CCDC88A: variants seen among roughly 807,000 people sequenced by gnomAD.
The protein encoded by CCDC88A is girdin.
Under a neutral mutation model 234.3 loss-of-function variants are expected in CCDC88A, and 54 were observed. The ratio of observed to expected loss-of-function variants is 0.23; its 90% CI spans 0.19 to 0.29. The LOEUF (loss-of-function observed/expected upper bound fraction) is 0.29, where lower values mean the gene tolerates loss of function less well. Among genes scored for constraint, CCDC88A ranks in the 10% least tolerant of loss-of-function variants. The pLI is 1.00. For missense variants in CCDC88A, 1,832 were observed against 2,123.4 expected (o/e 0.86, Z 2.70); for synonymous variants, 753 against 737.8 (o/e 1.02, Z -0.33).
intron 2 of CCDC88A, chr2:55,418,003 G>A (rs1681759489): frequency 6.6e-6 from 1 of 151,994 alleles, no homozygotes; most frequent in Non-Finnish European, 1.5e-5. Context: ...TAGAATACAC[G>A]TATGCTACAA....
intron 3 of CCDC88A, among the ~76,000 whole-genome samples, chr2:55,376,627 G>A (rs556843494): frequency 6.6e-6 from 1 of 152,088 alleles, no homozygotes; most frequent in Non-Finnish European, 1.5e-5. Flanking sequence ...AAATATGCCT[G>A]CATTTAAAGA....
rs534476529 is a variant in CCDC88A, at chr2:55,364,964, G to C, written c.403-931C>G. Among the ~76,000 whole-genome samples the C allele has an allele frequency of 1.3e-5, 2 of 152,172 alleles. 1 individual carries two copies. Among genetic ancestry groups the C allele is most frequent in the South Asian group, 4.1e-4 (2 of 4,826 alleles). ...CTGAACTACTAGTGAGGACAATATA[G>C]TCACAAAATTACAAACTAGCTCTTT... On this transcript the variant is annotated intron_variant, in intron 5 of 32. Transcript: ENST00000436346.
chr2:55,316,333 T>C (rs931708107), intron 21 of CCDC88A, among the ~76,000 whole-genome samples: 7 of 152,144 alleles, frequency 4.6e-5, no homozygotes, highest in African/African-American at 1.7e-4. Flanking sequence ...TAATTTCCTT[T>C]TTTCATCCAC....
chr2:55,348,408 G>T (rs906753027), intron 9 of CCDC88A: 1 of 152,146 alleles, frequency 6.6e-6, no homozygotes, highest in African/African-American at 2.4e-5. Context: ...TGAGTAGCTG[G>T]GATTACAGGT....
intron 31 of CCDC88A, chr2:55,294,591 A>G: frequency 4.1e-6 from 4 of 986,554 alleles, no homozygotes; most frequent in Non-Finnish European, 4.8e-6. Context: ...CATATGTAAT[A>G]TAAAGTACAC....
rs1679953896 is a variant in CCDC88A at position 55,295,724 on chromosome 2, C to G, written c.5424G>C (p.Val1808=). The G allele has an allele frequency of 6.2e-7, 1 of 1,614,204 alleles. No homozygotes were observed. Among genetic ancestry groups the G allele is most frequent in the Admixed American group, 1.7e-5 (1 of 60,022 alleles). Residue 1808 remains valine (V), a synonymous_variant, in exon 31 of 33, where the codon GTG becomes GTC. Coordinates refer to ENST00000436346, the MANE Select transcript of CCDC88A (RefSeq NM_001365480.1). Reference sequence around the variant, plus strand: ...GTGTAGTTCCTTCGGCAGTTGAGATCACGCTGCTTGCACGAGGTAAAGTTG... The same window carrying G: ...GTGTAGTTCCTTCGGCAGTTGAGATGACGCTGCTTGCACGAGGTAAAGTTG... ...PYATLPRASS[V]ISTAEGTTRR... is the part of the protein sequence containing the mutation.
At chr2:55,302,354 G>A (rs1038779115) in intron 26 of CCDC88A, among the ~76,000 whole-genome samples, 46 of 152,170 alleles carry the variant, frequency 3.0e-4, no homozygotes, top group African/African-American at 1.0e-3. Context: ...ATTGTGCAGC[G>A]ATGTGCTAAA....
intron 31 of CCDC88A, chr2:55,293,494 ATTTTTT>A (rs372092992): frequency 7.0e-6 from 1 of 143,884 alleles, no homozygotes; most frequent in Non-Finnish European, 1.5e-5. Context: ...TACCAGAACC[ATTTTTT>A]TTTTTTTTTG....
At chr2:55,355,900 TCTTAA>T in intron 7 of CCDC88A, 149 bp from the exon 8 acceptor site, 1 of 578,408 alleles carries the variant, frequency 1.7e-6, no homozygotes, top group Non-Finnish European at 2.9e-6. Context: ...TAGTTGTCAT[TCTTAA>T]CTTTCATTCA....
chr2:55,382,159 C>G (rs1321658089), intron 3 of CCDC88A, among the ~76,000 whole-genome samples: 1 of 152,106 alleles, frequency 6.6e-6, no homozygotes, highest in Non-Finnish European at 1.5e-5. Flanking sequence ...TTCTTGGCTA[C>G]TGAATTTTAT....
chr2:55,343,542 T>C (rs886922025), intron 12 of CCDC88A, 106 bp downstream of exon 12: 10 of 784,810 alleles, frequency 1.3e-5, no homozygotes, highest in Admixed American at 9.0e-5. Flanking sequence ...TGGAGACAGG[T>C]AGTCTTCTGA....
intron 4 of CCDC88A, among the ~76,000 whole-genome samples, chr2:55,373,318 C>T (rs2104825081): frequency 6.6e-6 from 1 of 152,214 alleles, no homozygotes; most frequent in Non-Finnish European, 1.5e-5. Flanking sequence ...ACTCCTCTGC[C>T]TTAATACTAC....
intron 3 of CCDC88A, among the ~76,000 whole-genome samples, chr2:55,385,286 A>C (rs531669405): frequency 1.8e-4 from 27 of 152,334 alleles, no homozygotes; most frequent in African/African-American, 6.5e-4. Context: ...TAATGAGCAA[A>C]ATGAAAAGGT....
rs1422792995 is a variant in CCDC88A, at chr2:55,355,706, G to C, written c.673C>G (p.Pro225Ala). The C allele has an allele frequency of 6.2e-7, 1 of 1,613,906 alleles. No individual in the cohort carries two copies. Among genetic ancestry groups the C allele is most frequent in the Non-Finnish European group, 8.5e-7 (1 of 1,179,818 alleles). The change falls in exon 8 of 33, where the codon CCC becomes GCC. Residue 225 changes from proline to alanine, a missense_variant. By Grantham distance (27) the Pro-to-Ala change is conservative (BLOSUM62 -1). Coordinates refer to ENST00000436346, the MANE Select transcript of CCDC88A (RefSeq NM_001365480.1). ...GACTGTGCAGATGAAGAGGCATGGG[G>C]TAGAAAATGGAGACCATCCCGCTCT... is the stretch of plus-strand genomic sequence containing the variant. ...SEERDGLHFL[P>A]HASSSAQSPC...
intron 3 of CCDC88A, among the ~76,000 whole-genome samples, chr2:55,379,124 A>G (rs1674177579): frequency 6.6e-6 from 1 of 152,188 alleles, no homozygotes; most frequent in South Asian, 2.1e-4. Flanking sequence ...AAAATATACA[A>G]GACATAAAAG....
Position 55,384,371 on chromosome 2 carries a change from G to A in CCDC88A, c.273+4407C>T, listed in dbSNP as rs980551454. 1.4e-4 allele frequency among the ~76,000 whole-genome samples: 21 copies of A among 148,942 alleles called. No individual in the cohort carries two copies. The Middle Eastern group carries it at 0.01, about 74-fold the overall frequency. The stretch of plus-strand genomic sequence containing the variant: ...GTGTATATATATTCAGGTGATAACA[G>A]TGCTAATTTCCTGGCACTAGAACTA... On this transcript the variant is annotated intron_variant, in intron 3 of 32. Coordinates refer to ENST00000436346, the MANE Select transcript of CCDC88A (RefSeq NM_001365480.1).
chr2:55,326,077 A>G (rs1314999650), intron 17 of CCDC88A, among the ~76,000 whole-genome samples: 2 of 151,740 alleles, frequency 1.3e-5, no homozygotes, highest in African/African-American at 4.8e-5. Flanking sequence ...GACCTTTTAT[A>G]TCTAATATAG....
Position 55,316,072 on chromosome 2 carries a change from A to C in CCDC88A, c.3789T>G (p.Val1263=), listed in dbSNP as rs1161006399. 3 of 1,563,042 alleles carry C rather than the reference A, an allele frequency of 1.9e-6. No homozygotes were observed. Among genetic ancestry groups the C allele is most frequent in the Non-Finnish European group, 1.7e-6 (2 of 1,143,282 alleles). ...TCAAATTTTTATGGTCAGTTTGTAA[A>C]ACTTCAGTCTCTTTTAAAAGTTGAC... The part of the protein sequence containing the change: ...TYSQLLKETE[V]LQTDHKNLKS... The change falls in exon 22 of 33, where the codon GTT becomes GTG. Residue 1263 remains valine (V), a synonymous_variant. Coordinates refer to ENST00000436346, the MANE Select transcript of CCDC88A (RefSeq NM_001365480.1).
At chr2:55,378,654 T>C (rs555786493) in intron 3 of CCDC88A, among the ~76,000 whole-genome samples, 1 of 152,308 alleles carries the variant, frequency 6.6e-6, no homozygotes, top group South Asian at 2.1e-4. Context: ...GCTAAAATTA[T>C]ACAAATTTTT....
Sources: allele counts gnomAD v4.1 joint callset (sites outside exome capture counted in the v4.1 genomes callset), GRCh38; gene constraint gnomAD v4.1.1; transcripts MANE v1.5; gene names NCBI Gene and HGNC (gene_info 2026-07-23, HGNC 2026-07-21).